The following ANGPT1 variants were observed in gnomAD, a reference collection of about 807,000 sequenced individuals.
ANGPT1 encodes angiopoietin 1.
A neutral mutation model predicts 62.2 loss-of-function variants in ANGPT1; 17 were observed. That is an observed-to-expected ratio of 0.27 (90% CI 0.19 to 0.41). ANGPT1 has a LOEUF of 0.41. Ranked by LOEUF, ANGPT1 falls within the 10% of genes least tolerant of loss-of-function variation. The probability of loss-of-function intolerance (pLI) is 1.00; values close to 1 mark genes in which losing one functional copy is unlikely to be tolerated. For synonymous variants in ANGPT1, 199 were observed against 198.9 expected (o/e 1.00, Z 0.00); for missense variants, 478 against 594.9 (o/e 0.80, Z 2.04).
At chr8:107,291,573 G>A (rs1241757417) in intron 6 of ANGPT1, among the ~76,000 whole-genome samples, 2 of 151,702 alleles carry the variant, frequency 1.3e-5, no homozygotes, top group Admixed American at 6.6e-5. Context: ...CACCACACCC[G>A]GCTAATTTTT....
intron 1 of ANGPT1, among the ~76,000 whole-genome samples, chr8:107,469,062 C>T (rs933042928): frequency 6.6e-5 from 10 of 152,000 alleles, no homozygotes; most frequent in Non-Finnish European, 1.0e-4. Flanking sequence ...TATAGCAATA[C>T]AAATTTAACT....
intron 3 of ANGPT1, among the ~76,000 whole-genome samples, chr8:107,333,428 G>C (rs1345690399): frequency 6.6e-6 from 1 of 152,134 alleles, no homozygotes; most frequent in East Asian, 1.9e-4. Flanking sequence ...GTCTGTGTGA[G>C]CACAGAAATG....
At chr8:107,271,407 C>T (rs781521292) in intron 7 of ANGPT1, among the ~76,000 whole-genome samples, 1 of 152,016 alleles carries the variant, frequency 6.6e-6, no homozygotes. Context: ...ATAAAATATA[C>T]AGTAGTTCAA....
intron 1 of ANGPT1, among the ~76,000 whole-genome samples, chr8:107,347,860 A>T (rs1243580877): frequency 1.3e-5 from 2 of 152,154 alleles, no homozygotes; most frequent in Non-Finnish European, 2.9e-5. Flanking sequence ...GTGCCATCTT[A>T]GAGAACAGTA....
intron 1 of ANGPT1, among the ~76,000 whole-genome samples, chr8:107,495,846 T>C (rs1299830228): frequency 1.3e-5 from 2 of 152,208 alleles, no homozygotes; most frequent in Admixed American, 1.3e-4. Context: ...GAGTTCTGTT[T>C]GCTTTTTATT....
At chr8:107,382,576 A>G (rs1816660376) in intron 1 of ANGPT1, among the ~76,000 whole-genome samples, 1 of 152,102 alleles carries the variant, frequency 6.6e-6, no homozygotes, top group African/African-American at 2.4e-5. Flanking sequence ...CCCATTTTCC[A>G]TGGCATAAAT....
At chr8:107,257,883 TTTTG>T (rs763140139) in intron 8 of ANGPT1, among the ~76,000 whole-genome samples, 9 of 85,814 alleles carry the variant, frequency 1.0e-4, no homozygotes, top group East Asian at 4.9e-4. Flanking sequence ...TTTGTTTCTT[TTTTG>T]TTTGTTTGTT....
chr8:107,263,478 G>GT (rs998212521), intron 8 of ANGPT1, among the ~76,000 whole-genome samples: 1 of 151,832 alleles, frequency 6.6e-6, no homozygotes, highest in African/African-American at 2.4e-5. Flanking sequence ...ATGGATAAGG[G>GT]TTTTTTGTTG....
At position 107,301,139 on chromosome 8, in the gene ANGPT1, G is replaced by A. The variant is rs145908325; in HGVS notation, c.936+2101C>T. 5.0e-3 allele frequency among the ~76,000 whole-genome samples: 754 copies of A among 152,010 alleles called. 3 individuals are homozygous for A. The highest frequency in any genetic ancestry group is 0.017 in the African/African-American group (712 of 41,514). On this transcript the variant is annotated intron_variant, in intron 5 of 8. Coordinates refer to ENST00000517746, the MANE Select transcript of ANGPT1 (RefSeq NM_001146.5). ...ACCCCTTCCCACAGACCACATGGTA[G>A]TACTGATGATGAAGTCAAAAAAATT...
At chr8:107,252,879 T>A (rs897628545) in intron 8 of ANGPT1, among the ~76,000 whole-genome samples, 13 of 152,300 alleles carry the variant, frequency 8.5e-5, no homozygotes, top group Admixed American at 2.6e-4. Flanking sequence ...TAGGGAGAGA[T>A]TTATGCCAGA....
intron 7 of ANGPT1, among the ~76,000 whole-genome samples, chr8:107,276,389 C>T (rs969152680): frequency 1.3e-5 from 2 of 152,058 alleles, no homozygotes; most frequent in African/African-American, 4.8e-5. Flanking sequence ...AAAAAAATAA[C>T]TTTCCTCTTA....
At chr8:107,386,660 A>C (rs772448256) in intron 1 of ANGPT1, among the ~76,000 whole-genome samples, 2 of 152,104 alleles carry the variant, frequency 1.3e-5, no homozygotes, top group Admixed American at 6.6e-5. Context: ...ACTTAACTTC[A>C]AGTGTGGTAT....
intron 1 of ANGPT1, among the ~76,000 whole-genome samples, chr8:107,398,146 T>A (rs1816972439): frequency 6.6e-6 from 1 of 152,310 alleles, no homozygotes; most frequent in African/African-American, 2.4e-5. Context: ...TGCAGCTACC[T>A]GAATAACCCA....
At chr8:107,495,998 G>C (rs1813083255) in intron 1 of ANGPT1, among the ~76,000 whole-genome samples, 1 of 152,180 alleles carries the variant, frequency 6.6e-6, no homozygotes. Flanking sequence ...TCAGTCCCTA[G>C]TGGACAAAAG....
intron 1 of ANGPT1, among the ~76,000 whole-genome samples, chr8:107,378,680 A>C (rs1327324419): frequency 6.6e-6 from 1 of 151,864 alleles, no homozygotes; most frequent in Non-Finnish European, 1.5e-5. Flanking sequence ...CATGATAGTG[A>C]GTTCTTGCGA....
intron 3 of ANGPT1, among the ~76,000 whole-genome samples, chr8:107,329,191 T>C (rs1815363357): frequency 6.6e-6 from 1 of 152,058 alleles, no homozygotes; most frequent in Non-Finnish European, 1.5e-5. Flanking sequence ...ACTCTATATA[T>C]ACACATATGT....
At chr8:107,379,560 A>AG (rs1816595396) in intron 1 of ANGPT1, among the ~76,000 whole-genome samples, 3 of 151,502 alleles carry the variant, frequency 2.0e-5, no homozygotes, top group Non-Finnish European at 4.4e-5. Context: ...TAAAAAAAAA[A>AG]GACATCAAAC....
intron 1 of ANGPT1, among the ~76,000 whole-genome samples, chr8:107,361,362 T>G (rs1816157337): frequency 6.6e-6 from 1 of 151,090 alleles, no homozygotes; most frequent in Non-Finnish European, 1.5e-5. Flanking sequence ...TTTTGGTTGT[T>G]GAAAGCAAAG....
At chr8:107,465,051 A>C (rs1387140042) in intron 1 of ANGPT1, among the ~76,000 whole-genome samples, 2 of 152,102 alleles carry the variant, frequency 1.3e-5, no homozygotes, top group Admixed American at 1.3e-4. Flanking sequence ...TCAGAGTAAG[A>C]GCAATAGCTG....
Sources: allele counts gnomAD v4.1 joint callset (sites outside exome capture counted in the v4.1 genomes callset), GRCh38; gene constraint gnomAD v4.1.1; transcripts MANE v1.5; gene names NCBI Gene and HGNC (gene_info 2026-07-23, HGNC 2026-07-21).